The following HSPA4L variants were observed in gnomAD, a reference collection of about 807,000 sequenced individuals.
HSPA4L encodes heat shock protein family A (Hsp70) member 4 like.
Under a neutral mutation model 100.3 loss-of-function variants are expected in HSPA4L, and 48 were observed. The observed-to-expected ratio is 0.48, with a 90% CI of 0.38 to 0.61. HSPA4L has a LOEUF of 0.61. Ranked by LOEUF, HSPA4L falls within the 20% of genes least tolerant of loss-of-function variation. HSPA4L has a pLI of 0.00. For missense variants in HSPA4L, 886 were observed against 988.6 expected, an observed-to-expected ratio of 0.90 and a Z score of 1.39; for synonymous variants, 319 against 328.2, an observed-to-expected ratio of 0.97 and a Z score of 0.30.
intron 17 of HSPA4L, among the ~76,000 whole-genome samples, chr4:127,828,894 C>G (rs1578724863): frequency 1.3e-5 from 2 of 152,150 alleles, no homozygotes; most frequent in Admixed American, 1.3e-4. Context: ...CAAGGCAAGA[C>G]TTCACTTTTG....
At position 127,806,585 on chromosome 4, in the gene HSPA4L, A is replaced by G. The variant is rs188719753; in HGVS notation, c.1244+792A>G. ...ATTTTAAAAAAAGCACTGTTATTAA[A>G]TTAATGTTTCCCTCTGTCATAAGCT... On this transcript the variant is annotated intron_variant, in intron 10 of 18. Coordinates refer to ENST00000296464, the MANE Select transcript of HSPA4L (RefSeq NM_014278.4). Among the ~76,000 whole-genome samples the G allele has an allele frequency of 1.5e-3, 235 of 152,108 alleles. 1 individual carries two copies. The highest frequency in any genetic ancestry group is 5.2e-3 in the African/African-American group (215 of 41,576).
chr4:127,782,271 A>G, upstream of HSPA4L: 1 of 443,190 alleles, frequency 2.3e-6, no homozygotes, highest in Non-Finnish European at 4.1e-6. Context: ...CGGGCAGCCG[A>G]GCGCGCAGGC....
In HSPA4L at chr4:127,805,233, GTTATT is replaced by G; in HGVS notation, c.1137+17_1137+21del. On this transcript the variant is annotated intron_variant, in intron 9 of 18. Transcript: ENST00000296464. ...GAGGATGTGCGTTACAGGTATAATT[GTTATT>G]TTATTTTTTAGAATATGTATTTTGC... The G allele has an allele frequency of 1.3e-6, 2 of 1,580,622 alleles. No homozygotes were observed. Among genetic ancestry groups the G allele is most frequent in the Non-Finnish European group, 1.7e-6 (2 of 1,165,184 alleles).
At chr4:127,818,119 A>G (rs1314963822) in intron 12 of HSPA4L, among the ~76,000 whole-genome samples, 2 of 152,032 alleles carry the variant, frequency 1.3e-5, no homozygotes, top group African/African-American at 4.8e-5. Context: ...AACAAGATTT[A>G]TCCCATAGCA....
intron 10 of HSPA4L, among the ~76,000 whole-genome samples, chr4:127,806,618 T>C (rs980910108): frequency 5.9e-5 from 9 of 152,000 alleles, no homozygotes; most frequent in Admixed American, 1.3e-4. Flanking sequence ...GCTACAATAT[T>C]TTCATGCTTG....
intron 4 of HSPA4L, among the ~76,000 whole-genome samples, chr4:127,799,966 A>G (rs1030935807): frequency 6.6e-6 from 1 of 152,214 alleles, no homozygotes; most frequent in Non-Finnish European, 1.5e-5. Flanking sequence ...CTAAATTCAT[A>G]AAACAATAAA....
At chr4:127,790,987 G>A (rs1732859021) in intron 1 of HSPA4L, among the ~76,000 whole-genome samples, 1 of 152,016 alleles carries the variant, frequency 6.6e-6, no homozygotes, top group Non-Finnish European at 1.5e-5. Context: ...AGTAGTCCTA[G>A]TTGCTCAGGA....
intron 2 of HSPA4L, 24 bp from the exon 3 acceptor site, chr4:127,795,744 A>G (rs754330651): frequency 1.2e-6 from 2 of 1,610,374 alleles, no homozygotes; most frequent in South Asian, 2.2e-5. Flanking sequence ...GTAACTGATA[A>G]ATACAAGTGT....
At position 127,832,689 on chromosome 4, in the gene HSPA4L, G is replaced by T. The variant is rs1181064249; in HGVS notation, c.2335G>T (p.Asp779Tyr). The change falls in exon 19 of 19, where the codon GAT becomes TAT. Residue 779 changes from aspartate (D) to tyrosine (Y), a missense_variant. Coordinates refer to ENST00000296464, the MANE Select transcript of HSPA4L (RefSeq NM_014278.4). Reference protein sequence around the residue: ...SEIVAKSKELDNFCNPIIYKP... With the variant: ...SEIVAKSKELYNFCNPIIYKP... Reference sequence around the variant, plus strand: ...AATTTCTTCATGTCTTTAGGAACTGGATAATTTCTGTAACCCCATCATTTA... The same window carrying T: ...AATTTCTTCATGTCTTTAGGAACTGTATAATTTCTGTAACCCCATCATTTA... The T allele has an allele frequency of 1.2e-6, 2 of 1,602,000 alleles. No individual in the cohort carries two copies. The highest frequency in any genetic ancestry group is 2.2e-5 in the East Asian group (1 of 44,588).
intron 3 of HSPA4L, among the ~76,000 whole-genome samples, chr4:127,797,557 T>G (rs765486649): frequency 6.6e-6 from 1 of 152,036 alleles, no homozygotes; most frequent in Non-Finnish European, 1.5e-5. Context: ...ATACATTTGT[T>G]TTTTATACAT....
rs1358580891 is a variant in HSPA4L, at chr4:127,836,840, C to T, written c.*3966C>T. The T allele has an allele frequency of 1.3e-5, 2 of 152,032 alleles. No homozygotes were observed. The highest frequency in any genetic ancestry group is 3.8e-4 in the East Asian group (2 of 5,196). 9.4% of individuals were successfully genotyped at this position (152,032 alleles called of 1,614,324 possible). On this transcript the variant is annotated 3_prime_UTR_variant, in exon 19 of 19. Coordinates refer to ENST00000296464, the MANE Select transcript of HSPA4L (RefSeq NM_014278.4). ...AGTAAATAGTTGGTATTTGGTAGTC[C>T]ACAATTAAAGTCATTGCATTAATTT...
In HSPA4L at chr4:127,795,754, T is replaced by A; in HGVS notation, c.166-14T>A. ...ATTAGGTAACTGATAAATACAAGTGTTTACTGCCAACAGATAGTCACGAAC... is the reference window on the plus strand; with the variant it reads ...ATTAGGTAACTGATAAATACAAGTGATTACTGCCAACAGATAGTCACGAAC... On this transcript the variant is annotated splice_polypyrimidine_tract_variant and intron_variant, in intron 2 of 18. Coordinates refer to ENST00000296464, the MANE Select transcript of HSPA4L (RefSeq NM_014278.4). 1 of 1,612,638 alleles carries A rather than the reference T, an allele frequency of 6.2e-7. No homozygotes were observed. Among genetic ancestry groups the A allele is most frequent in the Admixed American group, 1.7e-5 (1 of 59,936 alleles).
At chr4:127,805,332 A>C (rs1281390531) in intron 9 of HSPA4L, 108 bp downstream of exon 9, 5 of 759,280 alleles carry the variant, frequency 6.6e-6, no homozygotes, top group Non-Finnish European at 1.0e-5. Flanking sequence ...CAATAAGCTA[A>C]AGTAAATTGA....
At chr4:127,830,303 TTGCTATA>T (rs1160458119) in intron 17 of HSPA4L, among the ~76,000 whole-genome samples, 6 of 152,230 alleles carry the variant, frequency 3.9e-5, no homozygotes, top group Admixed American at 3.3e-4. Context: ...TGTGTCTAGT[TTGCTATA>T]TGCCTTGTTC....
intron 9 of HSPA4L, among the ~76,000 whole-genome samples, 156 bp downstream of exon 9, chr4:127,805,380 T>G (rs1415029385): frequency 6.6e-6 from 1 of 152,168 alleles, no homozygotes; most frequent in Non-Finnish European, 1.5e-5. Context: ...TCTTTCCCAT[T>G]TATGTTTTTA....
chr4:127,784,161 A>G (rs1025221085), intron 1 of HSPA4L, among the ~76,000 whole-genome samples: 6 of 152,248 alleles, frequency 3.9e-5, no homozygotes, highest in African/African-American at 1.4e-4. Flanking sequence ...CTCCACCTTC[A>G]GCAGAGTAGG....
intron 17 of HSPA4L, among the ~76,000 whole-genome samples, chr4:127,827,655 A>C (rs1329279531): frequency 6.6e-6 from 1 of 152,116 alleles, no homozygotes; most frequent in Non-Finnish European, 1.5e-5. Flanking sequence ...GAATTTCCTG[A>C]AACTACATTA....
At chr4:127,823,151 TTTTA>T (rs542970510) in intron 15 of HSPA4L, among the ~76,000 whole-genome samples, 109 of 152,264 alleles carry the variant, frequency 7.2e-4, no homozygotes, top group African/African-American at 1.9e-3. Context: ...TTAATTTTTT[TTTTA>T]TTTATTTATT....
chr4:127,805,597 TAGG>T (rs1475096964), intron 9 of HSPA4L, 87 bp from the exon 10 acceptor site: 6 of 903,258 alleles, frequency 6.6e-6, no homozygotes, highest in East Asian at 2.6e-5. Flanking sequence ...ACAGTTGTAA[TAGG>T]AGGACTCTAT....
Sources: gnomAD v4.1 joint callset for allele counts (sites outside exome capture counted in the v4.1 genomes callset) on GRCh38, gnomAD v4.1.1 for gene constraint, MANE v1.5 for transcripts, NCBI Gene and HGNC (gene_info 2026-07-23, HGNC 2026-07-21) for gene names.